LINGO2: variants seen among roughly 807,000 people sequenced by gnomAD.
LINGO2 encodes the protein leucine rich repeat and Ig domain containing 2, also known as leucine-rich repeat and immunoglobulin-like domain-containing nogo receptor-interacting protein 2.
Under a neutral mutation model 30.6 loss-of-function variants are expected in LINGO2, and 14 were observed. The observed-to-expected ratio is 0.46, with a 90% CI of 0.30 to 0.72. The LOEUF is 0.72. Ranked by LOEUF, LINGO2 falls within the 30% of genes least tolerant of loss-of-function variation. The pLI is 0.07. For missense variants in LINGO2, 729 were observed against 751.7 expected (o/e 0.97, Z 0.35); for synonymous variants, 317 against 288.5 (o/e 1.10, Z -1.00).
chr9:28,705,587 C>A, the LINGO2 span, among the ~76,000 whole-genome samples: 16 of 152,108 alleles, frequency 1.1e-4, no homozygotes, highest in South Asian at 2.1e-4. Context: ...GTATTTCAAA[C>A]TAGTTACTTT....
chr9:28,682,718 CA>C, the LINGO2 span, among the ~76,000 whole-genome samples: 2 of 151,858 alleles, frequency 1.3e-5, no homozygotes, highest in African/African-American at 2.4e-5. Flanking sequence ...AAATAATTTG[CA>C]AGGGGTTAGT....
At chr9:28,883,628 G>GTGTGTGTGTATATATATATATATA in the LINGO2 span, among the ~76,000 whole-genome samples, 1 of 64,178 alleles carries the variant, frequency 1.6e-5, no homozygotes, top group Non-Finnish European at 3.0e-5. Flanking sequence ...ATGTGTGTGT[G>GTGTGTGTGTATATATATATATATA]TATATATATA....
chr9:28,523,816 T>G (rs1467894186), intron 1 of LINGO2, among the ~76,000 whole-genome samples: 1 of 151,264 alleles, frequency 6.6e-6, no homozygotes, highest in Non-Finnish European at 1.5e-5. Flanking sequence ...GGATTGGATA[T>G]CTGAATATTA....
the LINGO2 span, among the ~76,000 whole-genome samples, chr9:28,706,168 A>G: frequency 5.3e-5 from 8 of 152,108 alleles, no homozygotes; most frequent in African/African-American, 1.9e-4. Context: ...AACTCTCTAT[A>G]TGACAATCTA....
At chr9:27,965,031 G>A (rs2118648238) in intron 5 of LINGO2, among the ~76,000 whole-genome samples, 1 of 152,240 alleles carries the variant, frequency 6.6e-6, no homozygotes, top group East Asian at 1.9e-4. Context: ...AGAAACAAAA[G>A]AGGATATCTA....
chr9:28,114,077 A>G (rs1826857153), intron 4 of LINGO2, among the ~76,000 whole-genome samples: 1 of 45,262 alleles, frequency 2.2e-5, no homozygotes, highest in African/African-American at 5.1e-5. Flanking sequence ...TTATTTTGAA[A>G]TATGTCCCAT....
At chr9:28,423,357 T>A (rs1274806274) in intron 2 of LINGO2, among the ~76,000 whole-genome samples, 2 of 151,850 alleles carry the variant, frequency 1.3e-5, no homozygotes, top group Non-Finnish European at 2.9e-5. Context: ...GGAAAAAAAA[T>A]TAAACAGTAA....
the LINGO2 span, among the ~76,000 whole-genome samples, chr9:28,739,254 T>G: frequency 2.0e-5 from 3 of 151,968 alleles, no homozygotes; most frequent in South Asian, 6.2e-4. Flanking sequence ...ATCTAAACCA[T>G]TATTATTGAC....
chr9:28,636,402 G>A (rs1827276722), intron 1 of LINGO2, among the ~76,000 whole-genome samples: 2 of 152,144 alleles, frequency 1.3e-5, no homozygotes, highest in African/African-American at 4.8e-5. Context: ...TCGCCACACT[G>A]ACTTCCACAA....
At chr9:28,771,363 A>G in the LINGO2 span, among the ~76,000 whole-genome samples, 1 of 151,804 alleles carries the variant, frequency 6.6e-6, no homozygotes, top group Admixed American at 6.6e-5. Flanking sequence ...TTACTATTTC[A>G]ATAAGAAATC....
At chr9:28,385,979 G>T (rs1313246293) in intron 2 of LINGO2, among the ~76,000 whole-genome samples, 1 of 152,178 alleles carries the variant, frequency 6.6e-6, no homozygotes, top group Non-Finnish European at 1.5e-5. Context: ...TGGGAACTCA[G>T]ACATGATAGC....
chr9:28,872,740 C>T, the LINGO2 span, among the ~76,000 whole-genome samples: 1 of 152,120 alleles, frequency 6.6e-6, no homozygotes, highest in Non-Finnish European at 1.5e-5. Context: ...TCATAGCTAA[C>T]ACTATGTAGC....
intron 2 of LINGO2, among the ~76,000 whole-genome samples, chr9:28,416,172 T>C (rs1822959289): frequency 6.6e-6 from 1 of 152,170 alleles, no homozygotes; most frequent in Admixed American, 6.6e-5. Context: ...GTAAACAATC[T>C]GCTTTCTCTG....
At chr9:29,129,815 G>A in the LINGO2 span, among the ~76,000 whole-genome samples, 3 of 152,006 alleles carry the variant, frequency 2.0e-5, no homozygotes, top group Admixed American at 1.3e-4. Flanking sequence ...TTGTAGAGAT[G>A]GTGGTTTTGT....
At chr9:29,133,696 T>C in the LINGO2 span, among the ~76,000 whole-genome samples, 3 of 152,124 alleles carry the variant, frequency 2.0e-5, no homozygotes, top group Non-Finnish European at 4.4e-5. Flanking sequence ...TTGTCAGAAA[T>C]AGCTCCACAT....
At chr9:28,354,780 T>G (rs1820099612) in intron 3 of LINGO2, among the ~76,000 whole-genome samples, 1 of 152,198 alleles carries the variant, frequency 6.6e-6, no homozygotes, top group Non-Finnish European at 1.5e-5. Flanking sequence ...CAGAAAACTC[T>G]TTTAATATAA....
intron 1 of LINGO2, among the ~76,000 whole-genome samples, chr9:28,495,471 G>A (rs10968615): frequency 0.18 from 27,633 of 151,936 alleles, 2,859 homozygotes; most frequent in East Asian, 0.31. Flanking sequence ...TATTAAATAG[G>A]GAATCCTTTC....
chr9:28,375,695 C>A (rs904586519), intron 2 of LINGO2, among the ~76,000 whole-genome samples: 1 of 152,156 alleles, frequency 6.6e-6, no homozygotes, highest in African/African-American at 2.4e-5. Flanking sequence ...AGGTAGAATA[C>A]ATGGGTCTAG....
chr9:29,138,491 TA>T, the LINGO2 span, among the ~76,000 whole-genome samples: 1 of 152,282 alleles, frequency 6.6e-6, no homozygotes, highest in East Asian at 1.9e-4. Flanking sequence ...TGTTCTTATC[TA>T]ACATTTTTAC....
Sources: allele counts gnomAD v4.1 joint callset (sites outside exome capture counted in the v4.1 genomes callset), GRCh38; gene constraint gnomAD v4.1.1; transcripts MANE v1.5; gene names NCBI Gene and HGNC (gene_info 2026-07-23, HGNC 2026-07-21).